Variants in ERCC8 observed in about 807,000 individuals in gnomAD.
ERCC8 encodes ERCC excision repair 8, CSA ubiquitin ligase complex subunit.
Under a neutral mutation model 54.9 loss-of-function variants are expected in ERCC8, and 52 were observed. The ratio of observed to expected loss-of-function variants is 0.95; its 90% CI spans 0.76 to 1.19. ERCC8 has a LOEUF of 1.19. ERCC8 is among the 50% of genes most tolerant of loss of function. The pLI is 0.00. For synonymous variants in ERCC8, 146 were observed against 157.2 expected (o/e 0.93, Z 0.53); for missense variants, 514 against 466.1 (o/e 1.10, Z -0.95).
At chr5:60,879,382 G>C (rs563588117) in intron 11 of ERCC8, among the ~76,000 whole-genome samples, 1 of 152,174 alleles carries the variant, frequency 6.6e-6, no homozygotes, top group Admixed American at 6.5e-5. Context: ...ATGTCTATTA[G>C]GTCTGCTTGG....
At chr5:60,901,549 A>C (rs948550345) in intron 7 of ERCC8, among the ~76,000 whole-genome samples, 8 of 152,008 alleles carry the variant, frequency 5.3e-5, no homozygotes, top group African/African-American at 1.9e-4. Flanking sequence ...CTCCACTAAA[A>C]ACCAAGAGAA....
At chr5:60,898,178 A>C (rs893806627) in intron 9 of ERCC8, 98 bp downstream of exon 9, 2 of 1,335,910 alleles carry the variant, frequency 1.5e-6, no homozygotes, top group African/African-American at 1.5e-5. Context: ...AGCTGTGATT[A>C]AAAGGGAATA....
chr5:60,919,270 G>C (rs536134017), intron 3 of ERCC8: 2 of 152,010 alleles, frequency 1.3e-5, no homozygotes, highest in Non-Finnish European at 2.9e-5. Flanking sequence ...ATGGGTGGGA[G>C]GTAGAGATGA....
Position 60,874,526 on chromosome 5 carries a change from T to C in ERCC8, c.*89A>G. On this transcript the variant is annotated 3_prime_UTR_variant, in exon 12 of 12. Transcript: ENST00000676185. Reference sequence around the variant, plus strand: ...ATATTACCCACATTTAGGGCTAATTTAGCTGTCAGGAATAGACCATACAGT... The same window carrying C: ...ATATTACCCACATTTAGGGCTAATTCAGCTGTCAGGAATAGACCATACAGT... 9.0e-7 allele frequency: 1 copy of C among 1,107,194 alleles called. No homozygotes were observed. The highest frequency in any genetic ancestry group is 1.3e-6 in the Non-Finnish European group (1 of 745,488). 68.6% of individuals were successfully genotyped at this position (1,107,194 alleles called of 1,614,324 possible).
chr5:60,935,950 T>C (rs917806660), intron 1 of ERCC8, among the ~76,000 whole-genome samples: 1 of 152,320 alleles, frequency 6.6e-6, no homozygotes, highest in Non-Finnish European at 1.5e-5. Flanking sequence ...AAGTATTTTG[T>C]TGGGGGTTTT....
At chr5:60,887,609 A>G in intron 10 of ERCC8, 89 bp from the exon 11 acceptor site, 1 of 962,214 alleles carries the variant, frequency 1.0e-6, no homozygotes, top group South Asian at 1.3e-5. Context: ...TAATTAGGTC[A>G]TAATAATTAG....
At chr5:60,943,620 T>C (rs545189230) in intron 1 of ERCC8, among the ~76,000 whole-genome samples, 4 of 151,836 alleles carry the variant, frequency 2.6e-5, no homozygotes, top group East Asian at 3.9e-4. Flanking sequence ...AAAGAGGAAA[T>C]TGGCCAAAAG....
At position 60,872,477 on chromosome 5, in the gene ERCC8, G is replaced by T. The variant is rs904799276; in HGVS notation, c.*2138C>A. On this transcript the variant is annotated 3_prime_UTR_variant, in exon 12 of 12. Transcript: ENST00000676185. Reference sequence around the variant, plus strand: ...AACAACCCATTTAAAAATGGGCAAAGAACCTGAAAAGACAGTTCTCAAAAG... The same window carrying T: ...AACAACCCATTTAAAAATGGGCAAATAACCTGAAAAGACAGTTCTCAAAAG... Among the ~76,000 whole-genome samples the T allele has an allele frequency of 1.2e-4, 19 of 152,100 alleles. No homozygotes were observed. Among genetic ancestry groups the T allele is most frequent in the African/African-American group, 4.6e-4 (19 of 41,436 alleles).
At chr5:60,938,048 CATATATATATAT>C (rs1170248858) in intron 1 of ERCC8, among the ~76,000 whole-genome samples, 10 of 23,394 alleles carry the variant, frequency 4.3e-4, no homozygotes, top group South Asian at 3.4e-3. Context: ...TACATACATA[CATATATATATAT>C]ATATATATAT....
At chr5:60,897,208 A>G (rs1748747389) in intron 9 of ERCC8, among the ~76,000 whole-genome samples, 1 of 152,144 alleles carries the variant, frequency 6.6e-6, no homozygotes, top group Non-Finnish European at 1.5e-5. Context: ...ATGTCACCTT[A>G]GTGAAGCCTA....
intron 11 of ERCC8, among the ~76,000 whole-genome samples, chr5:60,875,658 T>C (rs1019671554): frequency 1.4e-4 from 21 of 152,144 alleles, no homozygotes; most frequent in African/African-American, 2.7e-4. Context: ...AGACTACTCT[T>C]AAATTATTTT....
At chr5:60,879,047 T>C (rs374609381) in intron 11 of ERCC8, among the ~76,000 whole-genome samples, 8 of 152,172 alleles carry the variant, frequency 5.3e-5, no homozygotes, top group South Asian at 4.1e-4. Flanking sequence ...TGAATGTGTC[T>C]CAGAGATTCT....
chr5:60,904,646 A>ATATT (rs1274525891), intron 5 of ERCC8, 146 bp downstream of exon 5: 13 of 78,536 alleles, frequency 1.7e-4, no homozygotes, highest in African/African-American at 1.1e-3. Flanking sequence ...ATATATATAT[A>ATATT]TATATATATA....
At chr5:60,918,507 C>A in intron 3 of ERCC8, 119 bp from the exon 4 acceptor site, 1 of 818,578 alleles carries the variant, frequency 1.2e-6, no homozygotes, top group Non-Finnish European at 2.0e-6. Context: ...ACCGAGATCA[C>A]ATGCCTGTGT....
intron 3 of ERCC8, 65 bp from the exon 4 acceptor site, chr5:60,918,453 TA>T: frequency 7.2e-7 from 1 of 1,389,274 alleles, no homozygotes; most frequent in Non-Finnish European, 1.0e-6. Flanking sequence ...GGTACTATAT[TA>T]AGAACAAGTA....
intron 7 of ERCC8, 69 bp from the exon 8 acceptor site, chr5:60,899,796 C>T: frequency 8.7e-7 from 1 of 1,144,086 alleles, no homozygotes; most frequent in South Asian, 1.2e-5. Context: ...ACCCACCTTT[C>T]TAATTTTATG....
chr5:60,902,353 T>A, intron 7 of ERCC8, 89 bp downstream of exon 7: 1 of 960,902 alleles, frequency 1.0e-6, no homozygotes, highest in Non-Finnish European at 1.6e-6. Flanking sequence ...TAATTAAATA[T>A]GCTAAAATAT....
chr5:60,933,216 C>CTTTTTTTTTTT (rs143139297), intron 1 of ERCC8, among the ~76,000 whole-genome samples: 594 of 89,510 alleles, frequency 6.6e-3, no homozygotes, highest in Non-Finnish European at 9.5e-3. Context: ...CCTTTTTTTT[C>CTTTTTTTTTTT]TTTTTTTTTT....
chr5:60,926,898 AT>A (rs1324270928), intron 2 of ERCC8, among the ~76,000 whole-genome samples: 1 of 152,236 alleles, frequency 6.6e-6, no homozygotes, highest in African/African-American at 2.4e-5. Flanking sequence ...CTCTGTTAAA[AT>A]GGCTTCCAAA....
Sources: allele counts gnomAD v4.1 joint callset (sites outside exome capture counted in the v4.1 genomes callset), GRCh38; gene constraint gnomAD v4.1.1; transcripts MANE v1.5; gene names NCBI Gene and HGNC (gene_info 2026-07-23, HGNC 2026-07-21).